LRRC63: variants seen among roughly 807,000 people sequenced by gnomAD.
LRRC63 encodes leucine rich repeat containing 63, also known as leucine-rich repeat-containing protein 63.
Under a neutral mutation model 49.5 loss-of-function variants are expected in LRRC63, and 40 were observed. That is an observed-to-expected ratio of 0.81 (90% CI 0.63 to 1.05). The LOEUF (loss-of-function observed/expected upper bound fraction) is 1.05. LRRC63 is among the 50% of genes least tolerant of loss of function. LRRC63 has a pLI of 0.00. For synonymous variants in LRRC63, 191 were observed against 221.1 expected, an observed-to-expected ratio of 0.86 and a Z score of 1.21; for missense variants, 636 against 663.1, an observed-to-expected ratio of 0.96 and a Z score of 0.45.
chr13:46,234,159 A>C lies in LRRC63; in HGVS notation c.833-33A>C, dbSNP rs2046840234. ...TTCATTCTAAGTGATAACACATTTA[A>C]ATTTTATGTTTTGTTTTGTTTTGTT... On this transcript the variant is annotated intron_variant, in intron 4 of 9. Coordinates refer to ENST00000595396, the Ensembl canonical transcript of LRRC63. 3 of 1,517,568 alleles carry C rather than the reference A, an allele frequency of 2.0e-6. No homozygotes were observed. In the South Asian group the frequency reaches 3.6e-5, roughly 18 times the overall value. The allele number at this position is 1,517,568 out of a possible 1,614,324, so 94.0% of individuals were successfully genotyped here.
intron 2 of LRRC63, among the ~76,000 whole-genome samples, chr13:46,223,073 AG>A (rs1353517570): frequency 4.8e-5 from 4 of 84,124 alleles, no homozygotes; most frequent in Non-Finnish European, 6.8e-5. Flanking sequence ...GGGTGGGGGG[AG>A]GGGGGAAGGA....
At chr13:46,263,170 GAATT>G (rs1286369379) in intron 8 of LRRC63, among the ~76,000 whole-genome samples, 2 of 125,052 alleles carry the variant, frequency 1.6e-5, no homozygotes, top group African/African-American at 6.3e-5. Context: ...TTAAATTTTT[GAATT>G]TATTTTATTT....
intron 4 of LRRC63, among the ~76,000 whole-genome samples, chr13:46,230,688 C>T (rs779545445): frequency 6.6e-6 from 1 of 152,210 alleles, no homozygotes; most frequent in African/African-American, 2.4e-5. Context: ...GCACATCTCT[C>T]TAGCAAGTGG....
At chr13:46,246,450 A>G in intron 5 of LRRC63, 77 bp from the exon 6 acceptor site, 1 of 585,504 alleles carries the variant, frequency 1.7e-6, no homozygotes, top group Non-Finnish European at 2.7e-6. Context: ...TTATGTGCTG[A>G]TTTTGTTTTA....
intron 7 of LRRC63, among the ~76,000 whole-genome samples, chr13:46,254,504 T>C (rs905007418): frequency 6.6e-6 from 1 of 152,054 alleles, no homozygotes; most frequent in Non-Finnish European, 1.5e-5. Context: ...GTCCTAAAAA[T>C]GAACATGTAA....
At chr13:46,249,993 G>A (rs572652034) in intron 6 of LRRC63, 1 of 156,406 alleles carries the variant, frequency 6.4e-6, no homozygotes, top group African/African-American at 2.4e-5. Flanking sequence ...TGATCACTAA[G>A]GTTAATTCCA....
At chr13:46,239,623 C>G (rs186170600) in intron 5 of LRRC63, among the ~76,000 whole-genome samples, 12 of 152,304 alleles carry the variant, frequency 7.9e-5, no homozygotes, top group African/African-American at 2.9e-4. Context: ...AGGGGCTCCT[C>G]CCTAACTGAT....
At chr13:46,256,760 T>C (rs2047517835) in intron 7 of LRRC63, among the ~76,000 whole-genome samples, 1 of 152,166 alleles carries the variant, frequency 6.6e-6, no homozygotes. Flanking sequence ...TTTTGAGATT[T>C]AGATGAGATG....
rs1050382355 is a variant in LRRC63 at position 46,214,563 on chromosome 13, G to A, written c.85+1444G>A. On this transcript the variant is annotated intron_variant, in intron 2 of 9. Transcript: ENST00000595396. ...TGGATGGTTCCTTTTTTTTGGTGGG[G>A]AAAGCAGAGCTCTCTTGCTCCAAAG... is the stretch of plus-strand genomic sequence containing the variant. Among the ~76,000 whole-genome samples the A allele has an allele frequency of 3.2e-4, 48 of 151,476 alleles. 2 individuals carry two copies. Among genetic ancestry groups the A allele is most frequent in the African/African-American group, 1.2e-3 (48 of 41,276 alleles).
exon 9 of LRRC63, chr13:46,266,904 C>T: frequency 1.3e-6 from 2 of 1,548,158 alleles, no homozygotes; most frequent in Non-Finnish European, 1.7e-6. Context: ...TTTCTTTGTT[C>T]ATTGTCCAAA....
chr13:46,252,895 C>G (rs947109814), intron 7 of LRRC63, among the ~76,000 whole-genome samples: 6 of 151,864 alleles, frequency 4.0e-5, no homozygotes, highest in South Asian at 2.1e-4. Context: ...ATCTAGGAAG[C>G]CTTATGAGCT....
chr13:46,234,206 G>GA lies in LRRC63; in HGVS notation c.853dup (p.Ile285AsnfsTer11). Reference sequence around the variant, plus strand: ...TGTTTATTTAGGTCTCACCAAAACTGAAAAAATAGAATCAGAGATACACGT... The same window carrying GA: ...TGTTTATTTAGGTCTCACCAAAACTGAAAAAAATAGAATCAGAGATACACGT... On this transcript the variant is annotated frameshift_variant, in exon 5 of 10. Coordinates refer to ENST00000595396, the Ensembl canonical transcript of LRRC63. LOFTEE classifies it high-confidence loss of function. 1 of 1,549,124 alleles carries GA rather than the reference G, an allele frequency of 6.5e-7. No individual in the cohort carries two copies. Among genetic ancestry groups the GA allele is most frequent in the Non-Finnish European group, 8.7e-7 (1 of 1,146,270 alleles).
At chr13:46,263,972 C>G (rs571935887) in intron 8 of LRRC63, among the ~76,000 whole-genome samples, 2 of 152,170 alleles carry the variant, frequency 1.3e-5, no homozygotes, top group Admixed American at 1.3e-4. Context: ...GTAATTTTTT[C>G]TCTGAATCTT....
Position 46,213,139 on chromosome 13 carries a change from A to G in LRRC63, c.85+20A>G, listed in dbSNP as rs1452846645. On this transcript the variant is annotated intron_variant, in intron 2 of 9. Transcript: ENST00000595396. The stretch of plus-strand genomic sequence containing the variant: ...ATACAGGTATGTGTATTAATCAGAT[A>G]TGTGTATTAACATTTATGTATCTTT... The G allele has an allele frequency of 2.8e-6, 4 of 1,419,982 alleles. No homozygotes were observed. The highest frequency in any genetic ancestry group is 3.8e-6 in the Non-Finnish European group (4 of 1,039,574). 88.0% of individuals were successfully genotyped at this position (1,419,982 alleles called of 1,614,324 possible). A position where few individuals can be genotyped will look rare whatever the true frequency, so the allele number is the denominator to read the frequency against.
exon 3 of LRRC63, chr13:46,227,645 C>G: frequency 6.5e-7 from 1 of 1,550,270 alleles, no homozygotes; most frequent in South Asian, 1.2e-5. Context: ...TCCAAAATAT[C>G]TTTCTTGATC....
At chr13:46,242,329 G>A (rs2047086452) in intron 5 of LRRC63, among the ~76,000 whole-genome samples, 1 of 152,156 alleles carries the variant, frequency 6.6e-6, no homozygotes, top group African/African-American at 2.4e-5. Context: ...TGGAGGGTGG[G>A]AAGAGGGAGA....
At chr13:46,262,938 T>G (rs1284151757) in intron 8 of LRRC63, among the ~76,000 whole-genome samples, 2 of 152,192 alleles carry the variant, frequency 1.3e-5, no homozygotes, top group Non-Finnish European at 2.9e-5. Flanking sequence ...TAATCTTCCA[T>G]TTAGCAGAAT....
intron 4 of LRRC63, among the ~76,000 whole-genome samples, chr13:46,231,519 T>C (rs1298918209): frequency 6.7e-6 from 1 of 148,418 alleles, no homozygotes; most frequent in Non-Finnish European, 1.5e-5. Flanking sequence ...TCTTTTTTCT[T>C]TTTTTTTTTA....
chr13:46,213,744 C>A (rs2046165555), intron 2 of LRRC63, among the ~76,000 whole-genome samples: 1 of 152,084 alleles, frequency 6.6e-6, no homozygotes, highest in Non-Finnish European at 1.5e-5. Flanking sequence ...TAAATAGAAA[C>A]AAATATAAAA....
Sources: gnomAD v4.1 joint callset for allele counts (sites outside exome capture counted in the v4.1 genomes callset) on GRCh38, gnomAD v4.1.1 for gene constraint, MANE v1.5 for transcripts, NCBI Gene and HGNC (gene_info 2026-07-23, HGNC 2026-07-21) for gene names.